The following C1orf198 variants were observed in gnomAD, a reference collection of about 807,000 sequenced individuals.
C1orf198 encodes uncharacterized protein C1orf198.
C1orf198 carries 17 observed loss-of-function variants against 31.4 expected under a neutral mutation model. The ratio of observed to expected loss-of-function variants is 0.54; its 90% CI spans 0.37 to 0.81. The LOEUF is 0.81. C1orf198 is among the 40% of genes least tolerant of loss of function. The pLI is 0.00. For synonymous variants in C1orf198, 175 were observed against 193.8 expected (o/e 0.90, Z 0.81); for missense variants, 401 against 450.3 (o/e 0.89, Z 0.99).
In C1orf198 at chr1:230,843,846, G is replaced by A. The variant is rs115242372; in HGVS notation, c.435C>T (p.Asn145=). The A allele has an allele frequency of 1.4e-4, 213 of 1,543,638 alleles. 1 individual carries two copies. The African/African-American group carries it at 2.4e-3, about 17-fold the overall frequency. ...GTCTGGGCTCGCTGGCGGCGGTGCC[G>A]TTGCTCGGCTCCTGGATGGATAGGG... ...ISALSIQEPS[N]GTAASEPRPL... is the part of the protein sequence containing the mutation. The change falls in exon 3 of 4, where the codon AAC becomes AAT. Residue 145 remains asparagine, a synonymous_variant. Transcript: ENST00000366663. This position sits in a 1 kb window ranked among gnomAD's most constrained non-coding sequence, Gnocchi z 4.9.
rs1232481060 is a variant in C1orf198 at position 230,861,581 on chromosome 1, G to A, written c.334-5863C>T. On this transcript the variant is annotated intron_variant, in intron 1 of 3. Transcript: ENST00000366663. The stretch of plus-strand genomic sequence containing the variant: ...GCAACGGGCCATGGTGGAGTATCTG[G>A]TCATGGCAACCAGCAAATGCTAGAA... 2.0e-5 allele frequency among the ~76,000 whole-genome samples: 3 copies of A among 152,200 alleles called. No homozygotes were observed. In the South Asian group the frequency reaches 6.2e-4, roughly 32 times the overall value.
At position 230,847,102 on chromosome 1, in the gene C1orf198, C is replaced by CAAAAAAAAA. The variant is rs71179741; in HGVS notation, c.385-3215_385-3207dup. The stretch of plus-strand genomic sequence containing the variant: ...TGGGCGACAGAGCGAGACTCCGTCT[C>CAAAAAAAAA]AAAAAAAAAAAAAAAAAAAAAAAAA... On this transcript the variant is annotated intron_variant, in intron 2 of 3. Transcript: ENST00000366663. Among the ~76,000 whole-genome samples, 168 of 69,682 alleles carry CAAAAAAAAA rather than the reference C, an allele frequency of 2.4e-3. 4 individuals are homozygous for CAAAAAAAAA. Among genetic ancestry groups the CAAAAAAAAA allele is most frequent in the African/African-American group, 0.014 (150 of 10,378 alleles). The allele number at this position is 69,682 out of a possible 152,430, so 45.7% of individuals were successfully genotyped here. A position where few individuals can be genotyped will look rare whatever the true frequency, so the allele number is the denominator to read the frequency against.
upstream of C1orf198, chr1:230,868,586 C>G: frequency 1.9e-6 from 2 of 1,075,940 alleles, no homozygotes; most frequent in Non-Finnish European, 2.3e-6. Context: ...CCCGCGCCAC[C>G]CGGAGCCCCG....
Position 230,843,620 on chromosome 1 carries a change from C to T in C1orf198, c.661G>A (p.Gly221Arg), listed in dbSNP as rs774113802. The T allele has an allele frequency of 1.2e-6, 2 of 1,614,250 alleles. No individual in the cohort carries two copies. The highest frequency in any genetic ancestry group is 1.7e-5 in the Admixed American group (1 of 60,030). ...TPSQIKSMEKGEKVLPPCYRQ... is the reference protein window; with the variant it reads ...TPSQIKSMEKREKVLPPCYRQ... Reference sequence around the variant, plus strand: ...TAGCAGGGAGGCAAGACCTTTTCCCCCTTCTCCATGGACTTGATCTGGCTA... The same window carrying T: ...TAGCAGGGAGGCAAGACCTTTTCCCTCTTCTCCATGGACTTGATCTGGCTA... The change falls in exon 3 of 4, where the codon GGG (glycine) becomes AGG (arginine). Residue 221 changes from glycine (G) to arginine (R), a missense_variant. Gly to Arg is a moderately radical substitution (Grantham distance 125). Coordinates refer to ENST00000366663, the MANE Select transcript of C1orf198 (RefSeq NM_032800.3). The surrounding 1 kb of genome is among the most constrained non-coding windows in gnomAD (Gnocchi z 4.9).
intron 2 of C1orf198, among the ~76,000 whole-genome samples, chr1:230,847,228 G>A (rs1424539037): frequency 6.7e-6 from 1 of 149,144 alleles, no homozygotes; most frequent in South Asian, 2.1e-4. Flanking sequence ...GCAGTGAGCC[G>A]AGATCGCGCC....
rs1173447633 is a variant in C1orf198 at position 230,839,763 on chromosome 1, C to T, written c.*89G>A. On this transcript the variant is annotated 3_prime_UTR_variant, in exon 4 of 4. Coordinates refer to ENST00000366663, the MANE Select transcript of C1orf198 (RefSeq NM_032800.3). The stretch of plus-strand genomic sequence containing the variant: ...AGAGTGTCAAGAAACCAGTAAAATA[C>T]ATAGGAAAAGGTGGCCCTTTTTATC... 1 of 1,108,564 alleles carries T rather than the reference C, an allele frequency of 9.0e-7. No individual in the cohort carries two copies. Among genetic ancestry groups the T allele is most frequent in the African/African-American group, 1.6e-5 (1 of 62,240 alleles). 68.7% of individuals were successfully genotyped at this position (1,108,564 alleles called of 1,614,324 possible).
intron 1 of C1orf198, among the ~76,000 whole-genome samples, chr1:230,862,792 G>A (rs1404419004): frequency 6.6e-6 from 1 of 152,198 alleles, no homozygotes; most frequent in Non-Finnish European, 1.5e-5. Context: ...ATGGGTACAT[G>A]TCATTATTCA....
chr1:230,843,900 G>C lies in C1orf198; in HGVS notation c.385-4C>G. ...AGATACTGAACTCCATCTGACTCTA[G>C]GGTGGGACATGAGAAAGGACAGAAA... is the stretch of plus-strand genomic sequence containing the variant. On this transcript the variant is annotated splice_region_variant and splice_polypyrimidine_tract_variant and intron_variant, in intron 2 of 3. Transcript: ENST00000366663. This position sits in a 1 kb window ranked among gnomAD's most constrained non-coding sequence, Gnocchi z 4.9. 2.0e-6 allele frequency: 3 copies of C among 1,504,264 alleles called. No homozygotes were observed. The highest frequency in any genetic ancestry group is 8.8e-7 in the Non-Finnish European group (1 of 1,131,364). The allele number at this position is 1,504,264 out of a possible 1,614,324, so 93.2% of individuals were successfully genotyped here. A position where few individuals can be genotyped will look rare whatever the true frequency, so the allele number is the denominator to read the frequency against.
intron 2 of C1orf198, among the ~76,000 whole-genome samples, chr1:230,844,459 C>T (rs898848085): frequency 9.2e-5 from 14 of 152,172 alleles, no homozygotes; most frequent in Admixed American, 7.9e-4. Context: ...GCCCGCAGAA[C>T]CGTGAGCCAA....
chr1:230,855,898 C>G, intron 1 of C1orf198, 180 bp from the exon 2 acceptor site: 3 of 1,365,686 alleles, frequency 2.2e-6, no homozygotes, highest in Non-Finnish European at 2.8e-6. Context: ...AGATTGCTCC[C>G]TCATCTTTCC....
In C1orf198 at chr1:230,837,827, G is replaced by A. The variant is rs1424741386; in HGVS notation, c.*2025C>T. On this transcript the variant is annotated 3_prime_UTR_variant, in exon 4 of 4. Transcript: ENST00000366663. ...TATTGCTGGGTGCTGGGCCCCAGAC[G>A]ATACTAAGTGAGGCAGAAGCTTTCA... 6.6e-6 allele frequency: 1 copy of A among 152,200 alleles called. No individual in the cohort carries two copies. The highest frequency in any genetic ancestry group is 1.5e-5 in the Non-Finnish European group (1 of 68,038). 9.4% of individuals were successfully genotyped at this position (152,200 alleles called of 1,614,324 possible).
chr1:230,868,890 G>C (rs1670192051), upstream of C1orf198: 1 of 154,066 alleles, frequency 6.5e-6, no homozygotes, highest in African/African-American at 2.4e-5. Context: ...ATTCCCGGTA[G>C]TGACCGCCAT....
intron 1 of C1orf198, among the ~76,000 whole-genome samples, chr1:230,864,995 G>A (rs893323488): frequency 1.3e-5 from 2 of 152,182 alleles, no homozygotes; most frequent in African/African-American, 2.4e-5. Flanking sequence ...GAGGAAGAAC[G>A]TGGCAATCAA....
chr1:230,843,448 G>T lies in C1orf198; in HGVS notation c.833C>A (p.Ala278Asp). ...VQAFSSALHE[A>D]APSQLEGKLP... ...CTTCCCCTCGAGCTGGGAGGGGGCA[G>T]CCTCGTGCAGTGCACTGCTGAAGGC... The change falls in exon 3 of 4, where the codon GCT (alanine) becomes GAT (aspartate). Residue 278 changes from alanine (A) to aspartate (D), a missense_variant. Physicochemically the swap from Ala to Asp is moderately radical, Grantham distance 126. Transcript: ENST00000366663. This position sits in a 1 kb window ranked among gnomAD's most constrained non-coding sequence, Gnocchi z 4.9. 2 of 1,601,932 alleles carry T rather than the reference G, an allele frequency of 1.2e-6. No homozygotes were observed. The highest frequency in any genetic ancestry group is 1.7e-6 in the Non-Finnish European group (2 of 1,174,204).
intron 3 of C1orf198, among the ~76,000 whole-genome samples, chr1:230,841,700 T>G (rs909143260): frequency 4.6e-5 from 7 of 152,234 alleles, no homozygotes; most frequent in Non-Finnish European, 8.8e-5. Context: ...ATGACGCAGC[T>G]GCTGTGGCGA....
In C1orf198 at chr1:230,839,755, G is replaced by T; in HGVS notation, c.*97C>A. The T allele has an allele frequency of 1.9e-6, 2 of 1,061,932 alleles. No homozygotes were observed. The highest frequency in any genetic ancestry group is 1.6e-5 in the African/African-American group (1 of 61,152). The allele number at this position is 1,061,932 out of a possible 1,614,324, so 65.8% of individuals were successfully genotyped here. ...TTAAGAAAAGAGTGTCAAGAAACCA[G>T]TAAAATACATAGGAAAAGGTGGCCC... On this transcript the variant is annotated 3_prime_UTR_variant, in exon 4 of 4. Coordinates refer to ENST00000366663, the MANE Select transcript of C1orf198 (RefSeq NM_032800.3).
At position 230,837,791 on chromosome 1, in the gene C1orf198, A is replaced by G. The variant is rs1274102841; in HGVS notation, c.*2061T>C. On this transcript the variant is annotated 3_prime_UTR_variant, in exon 4 of 4. Transcript: ENST00000366663. ...TCAGGAGGCTATACCATTAAGAAAC[A>G]TTATTAGAGTTATTGCTGGGTGCTG... 1 of 152,234 alleles carries G rather than the reference A, an allele frequency of 6.6e-6. No homozygotes were observed. 9.4% of individuals were successfully genotyped at this position (152,234 alleles called of 1,614,324 possible).
chr1:230,846,166 A>G (rs2102976701), intron 2 of C1orf198, among the ~76,000 whole-genome samples: 1 of 152,378 alleles, frequency 6.6e-6, no homozygotes, highest in African/African-American at 2.4e-5. Flanking sequence ...ATATCAAAAT[A>G]CAAACAATTT....
intron 1 of C1orf198, among the ~76,000 whole-genome samples, chr1:230,866,157 CAAT>C (rs1670115504): frequency 6.6e-6 from 1 of 152,206 alleles, no homozygotes; most frequent in Non-Finnish European, 1.5e-5. Flanking sequence ...CTGGGGACAA[CAAT>C]GAGACAACTG....
Sources: allele counts gnomAD v4.1 joint callset (sites outside exome capture counted in the v4.1 genomes callset), GRCh38; gene constraint gnomAD v4.1.1; non-coding constraint Gnocchi (gnomAD v3.1); transcripts MANE v1.5; gene names NCBI Gene and HGNC (gene_info 2026-07-23, HGNC 2026-07-21).